The following ANKS1B variants were observed in gnomAD, a reference collection of about 807,000 sequenced individuals.
ANKS1B encodes the protein ankyrin repeat and sterile alpha motif domain containing 1B.
Under a neutral mutation model 148.3 loss-of-function variants are expected in ANKS1B, and 36 were observed. The ratio of observed to expected loss-of-function variants is 0.24; its 90% confidence interval spans 0.19 to 0.32. The LOEUF is 0.32. Among genes scored for constraint, ANKS1B ranks in the 10% least tolerant of loss-of-function variants. ANKS1B has a pLI of 1.00. For synonymous variants in ANKS1B, 542 were observed against 560.8 expected, an observed-to-expected ratio of 0.97 and a Z score of 0.47; for missense variants, 1,157 against 1,542.6, an observed-to-expected ratio of 0.75 and a Z score of 4.19.
At chr12:99,876,841 T>G (rs909548090) in intron 1 of ANKS1B, among the ~76,000 whole-genome samples, 1 of 152,168 alleles carries the variant, frequency 6.6e-6, no homozygotes, top group Non-Finnish European at 1.5e-5. Context: ...GCTTTTTTTC[T>G]TAATTAGTTT....
chr12:99,976,905 T>TA (rs1180910093), intron 1 of ANKS1B, among the ~76,000 whole-genome samples: 9 of 152,154 alleles, frequency 5.9e-5, no homozygotes, highest in African/African-American at 2.2e-4. Flanking sequence ...TGCTGGGAAG[T>TA]AAAAGAGCAT....
chr12:99,323,783 A>G (rs999782076), intron 12 of ANKS1B, among the ~76,000 whole-genome samples: 2 of 152,222 alleles, frequency 1.3e-5, no homozygotes, highest in African/African-American at 2.4e-5. Flanking sequence ...CTACAAAAGT[A>G]GAGATCAATA....
At chr12:99,592,406 G>A (rs1300749389) in intron 9 of ANKS1B, among the ~76,000 whole-genome samples, 1 of 151,250 alleles carries the variant, frequency 6.6e-6, no homozygotes, top group Non-Finnish European at 1.5e-5. Flanking sequence ...GGATGGTAAG[G>A]GTATTTCATT....
At chr12:99,865,685 G>A (rs2090647798) in intron 1 of ANKS1B, among the ~76,000 whole-genome samples, 2 of 152,122 alleles carry the variant, frequency 1.3e-5, no homozygotes, top group African/African-American at 4.8e-5. Flanking sequence ...CTTAATAGTA[G>A]GAGGAAAAAG....
chr12:99,846,905 C>T (rs1226625584), intron 1 of ANKS1B, among the ~76,000 whole-genome samples: 1 of 152,114 alleles, frequency 6.6e-6, no homozygotes, highest in Non-Finnish European at 1.5e-5. Context: ...CTGTTCTCCT[C>T]CCCTCCCATA....
At chr12:98,877,448 T>C (rs2099694186) in intron 17 of ANKS1B, among the ~76,000 whole-genome samples, 1 of 152,232 alleles carries the variant, frequency 6.6e-6, no homozygotes, top group Admixed American at 6.5e-5. Flanking sequence ...AGGTAGTATA[T>C]ACAACAGATT....
chr12:99,757,325 C>T (rs2061661453), intron 8 of ANKS1B, among the ~76,000 whole-genome samples: 1 of 151,900 alleles, frequency 6.6e-6, no homozygotes, highest in Non-Finnish European at 1.5e-5. Context: ...TACATGCAGC[C>T]AACAAGCATA....
intron 17 of ANKS1B, among the ~76,000 whole-genome samples, chr12:98,925,181 T>C (rs2099806481): frequency 6.6e-6 from 1 of 152,236 alleles, no homozygotes; most frequent in Non-Finnish European, 1.5e-5. Flanking sequence ...TAAAGAGTTC[T>C]GTGTTCATTG....
At chr12:99,499,054 C>G (rs117591173) in intron 10 of ANKS1B, among the ~76,000 whole-genome samples, 2,106 of 152,256 alleles carry the variant, frequency 0.014, 16 homozygotes, top group Non-Finnish European at 0.023. Flanking sequence ...ATTTCCTTAC[C>G]TAACCAGAAA....
chr12:99,606,918 C>T (rs2097855487), intron 9 of ANKS1B, among the ~76,000 whole-genome samples: 1 of 152,098 alleles, frequency 6.6e-6, no homozygotes, highest in African/African-American at 2.4e-5. Context: ...CACAGATACC[C>T]TCCCCATTGT....
intron 14 of ANKS1B, among the ~76,000 whole-genome samples, chr12:99,202,485 G>A (rs972107672): frequency 2.6e-5 from 4 of 152,168 alleles, no homozygotes; most frequent in South Asian, 2.1e-4. Flanking sequence ...GTACTTGGAC[G>A]TCAAGCAGTT....
chr12:99,892,905 G>A (rs2093186569), intron 1 of ANKS1B, among the ~76,000 whole-genome samples: 1 of 152,170 alleles, frequency 6.6e-6, no homozygotes, highest in Non-Finnish European at 1.5e-5. Flanking sequence ...TGCTTATAGA[G>A]AGGCTAAAAG....
intron 17 of ANKS1B, among the ~76,000 whole-genome samples, chr12:98,915,984 C>T (rs925948407): frequency 6.6e-6 from 1 of 152,112 alleles, no homozygotes; most frequent in Non-Finnish European, 1.5e-5. Context: ...AGCCCCTTCA[C>T]CATCTCCTAG....
chr12:99,749,583 C>A (rs1253299208), intron 8 of ANKS1B, among the ~76,000 whole-genome samples: 4 of 152,050 alleles, frequency 2.6e-5, no homozygotes, highest in Non-Finnish European at 5.9e-5. Context: ...CAGAAATTTT[C>A]TCTTCCCATT....
intron 12 of ANKS1B, among the ~76,000 whole-genome samples, chr12:99,353,490 T>C (rs1460372668): frequency 2.0e-5 from 3 of 152,058 alleles, no homozygotes; most frequent in Non-Finnish European, 2.9e-5. Context: ...ATCTCTTCTA[T>C]TGTGTTTTTA....
At chr12:99,056,709 G>C (rs540704807) in intron 16 of ANKS1B, among the ~76,000 whole-genome samples, 1 of 152,202 alleles carries the variant, frequency 6.6e-6, no homozygotes, top group Admixed American at 6.5e-5. Flanking sequence ...ACATTAAATC[G>C]CTAGGCATTC....
At chr12:99,408,424 G>A (rs2094583357) in intron 11 of ANKS1B, among the ~76,000 whole-genome samples, 1 of 145,880 alleles carries the variant, frequency 6.9e-6, no homozygotes, top group African/African-American at 2.6e-5. Flanking sequence ...AAGCTCTCCA[G>A]GACATTGGAC....
chr12:99,692,509 A>C (rs2053243764), intron 8 of ANKS1B, among the ~76,000 whole-genome samples: 1 of 151,928 alleles, frequency 6.6e-6, no homozygotes, highest in Non-Finnish European at 1.5e-5. Flanking sequence ...TGTCTCTACT[A>C]AAAATACAAA....
intron 22 of ANKS1B, among the ~76,000 whole-genome samples, chr12:98,796,857 T>C (rs892084789): frequency 1.3e-5 from 2 of 152,206 alleles, no homozygotes; most frequent in South Asian, 4.1e-4. Context: ...CTTAGGCTAC[T>C]AAAATGGCTT....
Sources: allele counts gnomAD v4.1 joint callset (sites outside exome capture counted in the v4.1 genomes callset), GRCh38; gene constraint gnomAD v4.1.1; transcripts MANE v1.5; gene names NCBI Gene and HGNC (gene_info 2026-07-23, HGNC 2026-07-21).